The following NPC1 variants were observed in gnomAD, a reference collection of about 807,000 sequenced individuals.
NPC1 encodes the protein NPC intracellular cholesterol transporter 1.
A neutral mutation model predicts 140.4 loss-of-function variants in NPC1; 85 were observed. The ratio of observed to expected loss-of-function variants is 0.61; its 90% CI spans 0.51 to 0.72. NPC1 has a LOEUF of 0.72. Among genes scored for constraint, NPC1 ranks in the 30% least tolerant of loss-of-function variants. NPC1 has a pLI of 0.00. For missense variants in NPC1, 1,504 were observed against 1,623.8 expected (o/e 0.93, Z 1.27); for synonymous variants, 656 against 624.8 (o/e 1.05, Z -0.74).
At chr18:23,552,301 A>G (rs911968447) in intron 9 of NPC1, among the ~76,000 whole-genome samples, 1 of 151,908 alleles carries the variant, frequency 6.6e-6, no homozygotes, top group Non-Finnish European at 1.5e-5. Context: ...TAAAAAAAAA[A>G]TAATAATAAT....
chr18:23,581,025 G>A (rs2059349951), intron 1 of NPC1, among the ~76,000 whole-genome samples: 1 of 152,214 alleles, frequency 6.6e-6, no homozygotes, highest in East Asian at 1.9e-4. Context: ...TTGAGTGCTA[G>A]GTGTGCTCAG....
intron 22 of NPC1, 49 bp from the exon 23 acceptor site, chr18:23,534,608 C>G: frequency 6.8e-7 from 1 of 1,463,514 alleles, no homozygotes; most frequent in Non-Finnish European, 9.5e-7. Flanking sequence ...GTTGAAGACC[C>G]TAGGCAGCCA....
intron 24 of NPC1, 133 bp from the exon 25 acceptor site, chr18:23,532,417 C>A: frequency 1.1e-6 from 1 of 921,774 alleles, no homozygotes; most frequent in Non-Finnish European, 1.8e-6. Flanking sequence ...GCCTGGACAA[C>A]AGAGTGAGAC....
At position 23,567,515 on chromosome 18, in the gene NPC1, T is replaced by C. The variant is rs375753560; in HGVS notation, c.463+1308A>G. Among the ~76,000 whole-genome samples, 202 of 152,348 alleles carry C rather than the reference T, an allele frequency of 1.3e-3. 4 individuals carry two copies. Among genetic ancestry groups the C allele is most frequent in the African/African-American group, 4.4e-3 (182 of 41,582 alleles). On this transcript the variant is annotated intron_variant, in intron 4 of 24. Transcript: ENST00000269228. ...TTTCTTATTGAGTTTTAGGAGTTAT[T>C]TGTATATTTTGAATAACAGTCCTTA...
intron 5 of NPC1, 106 bp downstream of exon 5, chr18:23,561,254 C>A: frequency 8.5e-7 from 1 of 1,173,868 alleles, no homozygotes; most frequent in Non-Finnish European, 1.3e-6. Context: ...TTAAGCAATT[C>A]TCTTGCCTCA....
intron 4 of NPC1, among the ~76,000 whole-genome samples, chr18:23,564,377 C>A (rs1312810347): frequency 6.6e-6 from 1 of 152,138 alleles, no homozygotes; most frequent in Non-Finnish European, 1.5e-5. Flanking sequence ...GAGTCTCACT[C>A]TGTCACCCAG....
chr18:23,576,492 G>A lies in NPC1; in HGVS notation c.58-2918C>T, dbSNP rs577143482. The stretch of plus-strand genomic sequence containing the variant: ...ACCCAAAGACTTACAAAGCACTGGC[G>A]GTGTCCTAGGCTTAGGCACTATTTT... On this transcript the variant is annotated intron_variant, in intron 1 of 24. Coordinates refer to ENST00000269228, the MANE Select transcript of NPC1 (RefSeq NM_000271.5). The A allele has an allele frequency of 2.0e-4, 199 of 987,208 alleles. 1 individual carries two copies. Among genetic ancestry groups the A allele is most frequent in the Admixed American group, 1.7e-3 (27 of 16,304 alleles). The allele number at this position is 987,208 out of a possible 1,614,324, so 61.2% of individuals were successfully genotyped here.
intron 6 of NPC1, among the ~76,000 whole-genome samples, chr18:23,557,671 G>C (rs943928240): frequency 1.3e-5 from 2 of 152,210 alleles, no homozygotes; most frequent in Non-Finnish European, 2.9e-5. Flanking sequence ...GAACCAGGGA[G>C]GCGGTGGTTG....
At chr18:23,563,987 G>GTTTTTTTTTTTTTTTTTTTTTTTTTTTT (rs71163619) in intron 4 of NPC1, among the ~76,000 whole-genome samples, 1 of 102,600 alleles carries the variant, frequency 9.7e-6, no homozygotes. Flanking sequence ...AGTAGTAAGA[G>GTTTTTTTTTTTTTTTTTTTTTTTTTTTT]TTTTTTTTTT....
At chr18:23,526,555 C>T (rs568685861), downstream of NPC1, 30 of 1,531,754 alleles carry the variant, frequency 2.0e-5, no homozygotes, top group African/African-American at 2.1e-4. Context: ...CCACCCGCCC[C>T]GCAGATGTTT....
downstream of NPC1, chr18:23,529,537 T>C (rs2058420451): frequency 2.3e-6 from 3 of 1,296,280 alleles, no homozygotes; most frequent in African/African-American, 1.5e-5. Context: ...CACTGGGCCA[T>C]TTTAAGATGG....
In NPC1 at chr18:23,535,746, G is replaced by A. The variant is rs117851153; in HGVS notation, c.3246-46C>T. 15,204 of 1,246,010 alleles carry A rather than the reference G, an allele frequency of 0.012. 1,899 individuals are homozygous for A. The Admixed American group carries it at 0.23, about 19-fold the overall frequency. 77.2% of individuals were successfully genotyped at this position (1,246,010 alleles called of 1,614,324 possible). On this transcript the variant is annotated intron_variant, in intron 21 of 24. Transcript: ENST00000269228. ...CTCATTAAAGCTCGCTCTCACTCCCGAACACTGCGTGTTCATCCTGTCACC... is the reference window on the plus strand; with the variant it reads ...CTCATTAAAGCTCGCTCTCACTCCCAAACACTGCGTGTTCATCCTGTCACC...
rs2059041013 is a variant in NPC1 at position 23,561,629 on chromosome 18, A to G, written c.464-102T>C. The G allele has an allele frequency of 5.3e-6, 6 of 1,126,584 alleles. No homozygotes were observed. In the East Asian group the frequency reaches 1.2e-4, roughly 22 times the overall value. The allele number at this position is 1,126,584 out of a possible 1,614,324, so 69.8% of individuals were successfully genotyped here. A position where few individuals can be genotyped will look rare whatever the true frequency, so the allele number is the denominator to read the frequency against. On this transcript the variant is annotated intron_variant, in intron 4 of 24. Coordinates refer to ENST00000269228, the MANE Select transcript of NPC1 (RefSeq NM_000271.5). ...TCTTGAAGGGAAACACGAACTCCAT[A>G]TGCACCATGCTGGAATGCTGGACAG...
downstream of NPC1, chr18:23,528,364 G>C (rs1006542574): frequency 6.4e-6 from 1 of 156,212 alleles, no homozygotes; most frequent in African/African-American, 2.4e-5. Context: ...AGGCGTGTTT[G>C]TAGTCAAGGT....
intron 22 of NPC1, 21 bp downstream of exon 22, chr18:23,535,448 T>C (rs373365816): frequency 6.5e-7 from 1 of 1,550,208 alleles, no homozygotes; most frequent in Admixed American, 1.7e-5. Context: ...AGGGACAAAC[T>C]GAGACTGTAT....
At position 23,531,866 on chromosome 18, in the gene NPC1, A is replaced by ACAGAC. The variant is rs1311457814; in HGVS notation, c.*331_*335dup. The ACAGAC allele has an allele frequency of 6.9e-7, 1 of 1,448,662 alleles. No individual in the cohort carries two copies. Among genetic ancestry groups the ACAGAC allele is most frequent in the African/African-American group, 1.4e-5 (1 of 69,886 alleles). 89.7% of individuals were successfully genotyped at this position (1,448,662 alleles called of 1,614,324 possible). ...GGATGGCTTACTCCTAAAAGGAGAG[A>ACAGAC]CAGACAGTGCATTGATTGGCCTTTA... On this transcript the variant is annotated 3_prime_UTR_variant, in exon 25 of 25. Transcript: ENST00000269228.
intron 4 of NPC1, among the ~76,000 whole-genome samples, chr18:23,562,012 G>T (rs766335647): frequency 6.6e-6 from 1 of 152,140 alleles, no homozygotes; most frequent in Admixed American, 6.5e-5. Flanking sequence ...ACTGTTGGCC[G>T]GGCACGGTGG....
At chr18:23,527,172 C>T (rs2058322419), downstream of NPC1, among the ~76,000 whole-genome samples, 3 of 139,042 alleles carry the variant, frequency 2.2e-5, no homozygotes, top group African/African-American at 8.2e-5. Context: ...TTGCCTGAGC[C>T]TAGGAGTTCG....
At chr18:23,562,064 C>T (rs1019321057) in intron 4 of NPC1, among the ~76,000 whole-genome samples, 4 of 152,076 alleles carry the variant, frequency 2.6e-5, no homozygotes, top group Non-Finnish European at 4.4e-5. Flanking sequence ...CCGAGGTGGG[C>T]GGACCACCAG....
Sources: gnomAD v4.1 joint callset for allele counts (sites outside exome capture counted in the v4.1 genomes callset) on GRCh38, gnomAD v4.1.1 for gene constraint, MANE v1.5 for transcripts, NCBI Gene and HGNC (gene_info 2026-07-23, HGNC 2026-07-21) for gene names.